The following BABAM2 variants were observed in gnomAD, a reference collection of about 807,000 sequenced individuals.
BABAM2 encodes the protein BRISC and BRCA1 A complex member 2.
A neutral mutation model predicts 54.7 loss-of-function variants in BABAM2; 31 were observed. That is an observed-to-expected ratio of 0.57 (90% confidence interval 0.43 to 0.77). The LOEUF (loss-of-function observed/expected upper bound fraction) is 0.77. BABAM2 is among the 30% of genes least tolerant of loss of function. The pLI is 0.00. For missense variants in BABAM2, 364 were observed against 455.8 expected (o/e 0.80, Z 1.83); for synonymous variants, 167 against 162.9 (o/e 1.03, Z -0.19).
At chr2:28,038,278 C>T (rs566425001) in intron 5 of BABAM2, among the ~76,000 whole-genome samples, 57 of 152,252 alleles carry the variant, frequency 3.7e-4, no homozygotes, top group Middle Eastern at 3.4e-3. Context: ...AAATTCCCTC[C>T]AAGTAATGAG....
chr2:28,148,630 A>T (rs1671728765), intron 7 of BABAM2, among the ~76,000 whole-genome samples: 1 of 152,162 alleles, frequency 6.6e-6, no homozygotes, highest in South Asian at 2.1e-4. Flanking sequence ...GCTGCAGCAG[A>T]TTGGACCTGC....
chr2:28,303,215 T>C (rs1343613287), intron 11 of BABAM2, among the ~76,000 whole-genome samples: 2 of 152,182 alleles, frequency 1.3e-5, no homozygotes, highest in East Asian at 3.8e-4. Flanking sequence ...ATTTTTTAAA[T>C]GAAATCTGTT....
At chr2:27,952,990 G>C (rs1360147235) in intron 3 of BABAM2, among the ~76,000 whole-genome samples, 3 of 152,188 alleles carry the variant, frequency 2.0e-5, no homozygotes, top group South Asian at 2.1e-4. Context: ...ACGTGAAAAA[G>C]AAAACCAGTA....
chr2:27,976,739 T>C (rs1671634633), intron 3 of BABAM2, among the ~76,000 whole-genome samples: 1 of 152,196 alleles, frequency 6.6e-6, no homozygotes, highest in Admixed American at 6.5e-5. Context: ...AATTTTTATG[T>C]CACCTTTTTT....
chr2:28,131,070 A>AT (rs757511616), intron 7 of BABAM2, among the ~76,000 whole-genome samples: 1,565 of 6,858 alleles, frequency 0.23, 502 homozygotes, highest in Non-Finnish European at 0.49. Context: ...TATTATTATT[A>AT]TTATTATTAT....
chr2:28,078,657 G>A (rs183731294), intron 6 of BABAM2, among the ~76,000 whole-genome samples: 179 of 152,236 alleles, frequency 1.2e-3, no homozygotes, highest in Admixed American at 4.6e-3. Flanking sequence ...GGATTAGAGT[G>A]GGGTATAGGT....
Position 28,106,790 on chromosome 2 carries a change from T to C in BABAM2, c.571-22481T>C, listed in dbSNP as rs553184255. ...CCTTTGAAACCACCCAAATATCCTATTTTTTATCAAGCTTTCAATTTATTT... is the reference window on the plus strand; with the variant it reads ...CCTTTGAAACCACCCAAATATCCTACTTTTTATCAAGCTTTCAATTTATTT... On this transcript the variant is annotated intron_variant, in intron 6 of 11. Coordinates refer to ENST00000379624, the MANE Select transcript of BABAM2 (RefSeq NM_199191.3). Among the ~76,000 whole-genome samples the C allele has an allele frequency of 2.6e-5, 4 of 152,326 alleles. No homozygotes were observed. The East Asian group carries it at 7.7e-4, about 29-fold the overall frequency.
At chr2:27,888,879 C>T (rs1664620345), upstream of BABAM2, among the ~76,000 whole-genome samples, 1 of 152,164 alleles carries the variant, frequency 6.6e-6, no homozygotes, top group Non-Finnish European at 1.5e-5. Flanking sequence ...CTTACTCTTG[C>T]TCTAGAAAAA....
At chr2:27,917,238 G>C (rs866352205) in intron 2 of BABAM2, among the ~76,000 whole-genome samples, 8 of 152,014 alleles carry the variant, frequency 5.3e-5, no homozygotes, top group Middle Eastern at 3.4e-3. Flanking sequence ...GGATGGTCTT[G>C]ATCTCTTGAC....
rs185432128 is a variant in BABAM2 at position 28,097,404 on chromosome 2, A to G, written c.571-31867A>G. 8.2e-4 allele frequency among the ~76,000 whole-genome samples: 125 copies of G among 152,114 alleles called. 1 individual carries two copies. The highest frequency in any genetic ancestry group is 7.4e-5 in the Non-Finnish European group (5 of 67,980). ...AATTGCATTTTTATCATTTTTATTT[A>G]TTTTTGCTAAGTTAGTAGTTATATA... is the stretch of plus-strand genomic sequence containing the variant. On this transcript the variant is annotated intron_variant, in intron 6 of 11. Coordinates refer to ENST00000379624, the MANE Select transcript of BABAM2 (RefSeq NM_199191.3).
At chr2:28,268,720 C>T (rs1360374914) in intron 10 of BABAM2, among the ~76,000 whole-genome samples, 1 of 152,174 alleles carries the variant, frequency 6.6e-6, no homozygotes, top group Non-Finnish European at 1.5e-5. Flanking sequence ...AATGCCGGCC[C>T]CCGTTGTTTG....
At chr2:27,929,459 A>G (rs1271156295) in intron 2 of BABAM2, among the ~76,000 whole-genome samples, 1 of 152,212 alleles carries the variant, frequency 6.6e-6, no homozygotes, top group Non-Finnish European at 1.5e-5. Flanking sequence ...AAGAGTCCAT[A>G]TTTAAAATAT....
chr2:28,324,091 T>C (rs1028533634), intron 11 of BABAM2, among the ~76,000 whole-genome samples: 3 of 152,084 alleles, frequency 2.0e-5, no homozygotes, highest in Non-Finnish European at 4.4e-5. Flanking sequence ...GGGAGGGCCA[T>C]CTAGGGGGTT....
intron 6 of BABAM2, among the ~76,000 whole-genome samples, chr2:28,057,631 A>G (rs1678534611): frequency 6.6e-6 from 1 of 152,146 alleles, no homozygotes; most frequent in Admixed American, 6.5e-5. Flanking sequence ...CATTTTCATC[A>G]ATCAGCAGAC....
chr2:28,283,203 G>T (rs1479454076), intron 10 of BABAM2, among the ~76,000 whole-genome samples: 2 of 152,096 alleles, frequency 1.3e-5, no homozygotes, highest in East Asian at 3.9e-4. Flanking sequence ...ACTGGGCTTG[G>T]AATCAAGACC....
intron 7 of BABAM2, among the ~76,000 whole-genome samples, chr2:28,146,190 A>G (rs1671477498): frequency 6.6e-6 from 1 of 152,196 alleles, no homozygotes; most frequent in Non-Finnish European, 1.5e-5. Context: ...CTAGACTTTT[A>G]TTAGATACAT....
At chr2:28,172,651 C>T (rs1173913244) in intron 7 of BABAM2, among the ~76,000 whole-genome samples, 3 of 152,224 alleles carry the variant, frequency 2.0e-5, no homozygotes, top group Non-Finnish European at 2.9e-5. Flanking sequence ...TGTATATGCA[C>T]GTGGGTGGGT....
intron 10 of BABAM2, among the ~76,000 whole-genome samples, chr2:28,255,957 C>T (rs59347277): frequency 0.1 from 15,279 of 152,182 alleles, 1,112 homozygotes; most frequent in African/African-American, 0.21. Context: ...TGTGCCACCA[C>T]GCCTGGCCTA....
chr2:27,889,186 A>G (rs548869474), upstream of BABAM2, among the ~76,000 whole-genome samples: 4 of 152,330 alleles, frequency 2.6e-5, no homozygotes, highest in East Asian at 7.7e-4. Flanking sequence ...TTTTAAGGTA[A>G]GGTTAAATTG....
Sources: allele counts gnomAD v4.1 joint callset (sites outside exome capture counted in the v4.1 genomes callset), GRCh38; gene constraint gnomAD v4.1.1; transcripts MANE v1.5; gene names NCBI Gene and HGNC (gene_info 2026-07-23, HGNC 2026-07-21).